Variants in SMYD3 observed in about 807,000 individuals in gnomAD.
SMYD3 encodes the protein SET and MYND domain containing 3.
In SMYD3, 36 loss-of-function variants were observed where a neutral mutation model predicts 57.7. The observed-to-expected ratio is 0.62, with a 90% CI of 0.48 to 0.82. The LOEUF is 0.82. Ranked by LOEUF, SMYD3 falls within the 40% of genes least tolerant of loss-of-function variation. SMYD3 has a pLI of 0.00. For missense variants in SMYD3, 515 were observed against 538.8 expected (o/e 0.96, Z 0.44); for synonymous variants, 211 against 195.0 (o/e 1.08, Z -0.68).
intron 11 of SMYD3, among the ~76,000 whole-genome samples, chr1:245,758,443 C>T (rs1208235590): frequency 6.6e-6 from 1 of 152,062 alleles, no homozygotes; most frequent in Non-Finnish European, 1.5e-5. Context: ...TCTGGGACTC[C>T]AATGTTAGAT....
At chr1:246,312,642 T>C (rs1277770683) in intron 5 of SMYD3, among the ~76,000 whole-genome samples, 1 of 152,120 alleles carries the variant, frequency 6.6e-6, no homozygotes, top group Admixed American at 6.6e-5. Context: ...GAATCTGAAG[T>C]AAAACCAGGT....
chr1:246,326,679 G>A (rs944438645), intron 5 of SMYD3: 1 of 308,772 alleles, frequency 3.2e-6, no homozygotes. Flanking sequence ...CATGAGACTC[G>A]CTTGATTCTG....
At chr1:245,814,873 C>G (rs146137678) in intron 10 of SMYD3, among the ~76,000 whole-genome samples, 3 of 140,280 alleles carry the variant, frequency 2.1e-5, no homozygotes, top group African/African-American at 9.8e-5. Flanking sequence ...CACACACACA[C>G]GCACGCACAC....
At chr1:246,245,831 A>G (rs2063695196) in intron 5 of SMYD3, among the ~76,000 whole-genome samples, 1 of 152,192 alleles carries the variant, frequency 6.6e-6, no homozygotes, top group South Asian at 2.1e-4. Flanking sequence ...ATATTTTGCT[A>G]TGAATACACC....
intron 5 of SMYD3, among the ~76,000 whole-genome samples, chr1:246,286,086 C>A (rs1426606194): frequency 6.6e-6 from 1 of 152,064 alleles, no homozygotes; most frequent in Non-Finnish European, 1.5e-5. Flanking sequence ...TGTGGAGATT[C>A]CTTAAAGAAC....
At chr1:245,979,562 A>G (rs1033457181) in intron 5 of SMYD3, among the ~76,000 whole-genome samples, 3 of 152,166 alleles carry the variant, frequency 2.0e-5, no homozygotes, top group African/African-American at 7.2e-5. Flanking sequence ...AGGGAACACC[A>G]AGGACAGCCT....
At chr1:246,324,569 G>T (rs2065308305) in intron 5 of SMYD3, among the ~76,000 whole-genome samples, 1 of 151,844 alleles carries the variant, frequency 6.6e-6, no homozygotes, top group African/African-American at 2.4e-5. Context: ...CAGCCTTGTT[G>T]ACAGCGTAAA....
At chr1:245,796,764 G>A (rs1455610386) in intron 10 of SMYD3, among the ~76,000 whole-genome samples, 4 of 152,172 alleles carry the variant, frequency 2.6e-5, no homozygotes, top group Admixed American at 6.5e-5. Context: ...CATAGTCTCC[G>A]CATCTGCAGT....
chr1:245,884,625 G>T (rs2052979339), intron 8 of SMYD3, among the ~76,000 whole-genome samples: 1 of 152,142 alleles, frequency 6.6e-6, no homozygotes, highest in South Asian at 2.1e-4. Flanking sequence ...ACACGTGATT[G>T]ACAAAAGGGA....
At chr1:245,891,382 T>G (rs974941552) in intron 8 of SMYD3, among the ~76,000 whole-genome samples, 7 of 152,174 alleles carry the variant, frequency 4.6e-5, no homozygotes, top group Non-Finnish European at 7.3e-5. Context: ...CATTCAAAAT[T>G]TAAAAATACA....
chr1:246,020,646 C>G (rs1010280659), intron 5 of SMYD3, among the ~76,000 whole-genome samples: 1 of 152,162 alleles, frequency 6.6e-6, no homozygotes, highest in African/African-American at 2.4e-5. Flanking sequence ...AGATAGTATT[C>G]TAAATGCTCT....
chr1:246,377,054 C>T (rs945278259), intron 1 of SMYD3, among the ~76,000 whole-genome samples: 3 of 151,966 alleles, frequency 2.0e-5, no homozygotes, highest in Admixed American at 6.6e-5. Context: ...AAACCGAGAT[C>T]ACACCATTGT....
chr1:246,445,337 T>C (rs746169428), intron 1 of SMYD3, among the ~76,000 whole-genome samples: 7 of 152,118 alleles, frequency 4.6e-5, no homozygotes, highest in Non-Finnish European at 8.8e-5. Context: ...GAAAAGAAGG[T>C]TTTTAGGAAC....
intron 5 of SMYD3, among the ~76,000 whole-genome samples, chr1:246,158,741 C>T (rs994473891): frequency 6.6e-6 from 1 of 152,028 alleles, no homozygotes; most frequent in Non-Finnish European, 1.5e-5. Context: ...ATGAATTCCA[C>T]CTTAATTTTC....
chr1:246,413,972 C>T (rs1558453239), intron 1 of SMYD3, among the ~76,000 whole-genome samples: 1 of 152,182 alleles, frequency 6.6e-6, no homozygotes, highest in Admixed American at 6.5e-5. Context: ...TAAATATCTT[C>T]TTTTGATGGG....
At chr1:246,301,067 T>C (rs1380191291) in intron 5 of SMYD3, among the ~76,000 whole-genome samples, 1 of 152,132 alleles carries the variant, frequency 6.6e-6, no homozygotes, top group African/African-American at 2.4e-5. Context: ...ACCCTCTGAC[T>C]GTGTGAAAAG....
intron 1 of SMYD3, among the ~76,000 whole-genome samples, chr1:246,374,305 T>G (rs758599810): frequency 3.9e-5 from 6 of 152,216 alleles, no homozygotes; most frequent in Non-Finnish European, 8.8e-5. Context: ...TATATTTATC[T>G]GTAACTCCAA....
chr1:245,798,364 A>C (rs1334226130), intron 10 of SMYD3, among the ~76,000 whole-genome samples: 1 of 144,752 alleles, frequency 6.9e-6, no homozygotes, highest in Non-Finnish European at 1.5e-5. Context: ...TGAGGGAAGG[A>C]TCTTGACCTG....
chr1:246,125,077 AAAAAAAAAAAAC>A (rs2061488694), intron 5 of SMYD3, among the ~76,000 whole-genome samples: 1 of 104,248 alleles, frequency 9.6e-6, no homozygotes, highest in African/African-American at 3.0e-5. Flanking sequence ...GTCTCAAAAA[AAAAAAAAAAAAC>A]ACACACACAC....
Sources: gnomAD v4.1 joint callset for allele counts (sites outside exome capture counted in the v4.1 genomes callset) on GRCh38, gnomAD v4.1.1 for gene constraint, MANE v1.5 for transcripts, NCBI Gene and HGNC (gene_info 2026-07-23, HGNC 2026-07-21) for gene names.